CYYR1: variants seen among roughly 807,000 people sequenced by gnomAD.
The protein encoded by CYYR1 is cysteine and tyrosine-rich protein 1.
CYYR1 carries 14 observed loss-of-function variants against 15.2 expected under a neutral mutation model. That is an observed-to-expected ratio of 0.92 (90% CI 0.61 to 1.44). CYYR1 has a LOEUF of 1.44. CYYR1 is among the 40% of genes most tolerant of loss of function. The pLI is 0.00. For missense variants in CYYR1, 228 were observed against 209.5 expected (o/e 1.09, Z -0.54); for synonymous variants, 80 against 77.4 (o/e 1.03, Z -0.18).
intron 2 of CYYR1, among the ~76,000 whole-genome samples, chr21:26,528,503 G>A (rs1382446052): frequency 6.6e-6 from 1 of 152,098 alleles, no homozygotes; most frequent in Non-Finnish European, 1.5e-5. Flanking sequence ...CATATGATGT[G>A]CCTGCTCCTC....
intron 3 of CYYR1, among the ~76,000 whole-genome samples, chr21:26,472,676 A>T (rs1317031956): frequency 6.6e-6 from 1 of 152,108 alleles, no homozygotes; most frequent in African/African-American, 2.4e-5. Flanking sequence ...AGTAAGATAT[A>T]AAAAAGTGCA....
intron 2 of CYYR1, among the ~76,000 whole-genome samples, chr21:26,562,166 G>A (rs145093913): frequency 1.4e-4 from 22 of 152,230 alleles, no homozygotes; most frequent in African/African-American, 5.3e-4. Context: ...TAAATATTCT[G>A]AGGCTTCTAT....
intron 2 of CYYR1, among the ~76,000 whole-genome samples, chr21:26,556,102 T>C (rs998250552): frequency 3.9e-5 from 6 of 152,206 alleles, no homozygotes; most frequent in Non-Finnish European, 5.9e-5. Flanking sequence ...GATTAGAAAG[T>C]GACAATTGAT....
In CYYR1 at chr21:26,467,608, G is replaced by A. The variant is rs925753168; in HGVS notation, c.*893C>T. The A allele has an allele frequency of 6.6e-6, 1 of 151,982 alleles. No individual in the cohort carries two copies. The highest frequency in any genetic ancestry group is 2.4e-5 in the African/African-American group (1 of 41,384). The allele number at this position is 151,982 out of a possible 1,614,324, so 9.4% of individuals were successfully genotyped here. ...GGAAGTGAAGTGTCTGCTACCTGTG[G>A]AACTTGATACAATTTTTTTTTTCTC... On this transcript the variant is annotated 3_prime_UTR_variant, in exon 4 of 4. Coordinates refer to ENST00000652641, the MANE Select transcript of CYYR1 (RefSeq NM_001320768.2).
intron 2 of CYYR1, among the ~76,000 whole-genome samples, chr21:26,540,395 C>T (rs1216526180): frequency 6.6e-6 from 1 of 152,038 alleles, no homozygotes; most frequent in Non-Finnish European, 1.5e-5. Flanking sequence ...AACAGAAACC[C>T]TTGGGGTGTA....
chr21:26,478,240 A>T (rs1177553682), intron 3 of CYYR1: 4 of 1,428,110 alleles, frequency 2.8e-6, no homozygotes, highest in Admixed American at 4.3e-5. Context: ...GAGCAGCACA[A>T]AGAGAATTGG....
chr21:26,470,258 T>C (rs1413948999), intron 3 of CYYR1, among the ~76,000 whole-genome samples: 2 of 152,156 alleles, frequency 1.3e-5, no homozygotes, highest in Admixed American at 1.3e-4. Flanking sequence ...AAACGAACCT[T>C]AATTTGTACT....
chr21:26,515,003 G>T (rs1457195032), intron 2 of CYYR1, among the ~76,000 whole-genome samples: 2 of 152,184 alleles, frequency 1.3e-5, no homozygotes, highest in Non-Finnish European at 2.9e-5. Context: ...ATTCAATGTG[G>T]TATGCATGAT....
Position 26,572,950 on chromosome 21 carries a change from T to A in CYYR1, c.-10A>T, listed in dbSNP as rs1363678855. 6 of 1,613,610 alleles carry A rather than the reference T, an allele frequency of 3.7e-6. No homozygotes were observed. In the African/African-American group the frequency reaches 8.0e-5, roughly 22 times the overall value. On this transcript the variant is annotated 5_prime_UTR_variant, in exon 1 of 4. Coordinates refer to ENST00000652641, the MANE Select transcript of CYYR1 (RefSeq NM_001320768.2). ...GCCTCGGAGCGTCCATCCAAGCCGGTGGCCTGAGGCTTGGAGCGAAGGGAG... is the reference window on the plus strand; with the variant it reads ...GCCTCGGAGCGTCCATCCAAGCCGGAGGCCTGAGGCTTGGAGCGAAGGGAG...
At chr21:26,528,561 C>T (rs970054766) in intron 2 of CYYR1, among the ~76,000 whole-genome samples, 36 of 152,296 alleles carry the variant, frequency 2.4e-4, no homozygotes, top group African/African-American at 8.2e-4. Context: ...CTCGTCAGAA[C>T]CGGGTGCCAG....
intron 2 of CYYR1, among the ~76,000 whole-genome samples, chr21:26,539,753 C>G (rs1978414334): frequency 6.6e-6 from 1 of 152,262 alleles, no homozygotes; most frequent in South Asian, 2.1e-4. Context: ...TGTCTGGTAT[C>G]TTCTTTTTGA....
At chr21:26,534,110 A>G (rs1309024627) in intron 2 of CYYR1, among the ~76,000 whole-genome samples, 4 of 152,140 alleles carry the variant, frequency 2.6e-5, no homozygotes, top group African/African-American at 9.7e-5. Flanking sequence ...CCTCGCAAAA[A>G]TATTTGTCAA....
Position 26,480,369 on chromosome 21 carries a change from C to A in CYYR1, c.237G>T (p.Gly79=). 6.2e-7 allele frequency: 1 copy of A among 1,613,496 alleles called. No individual in the cohort carries two copies. The highest frequency in any genetic ancestry group is 8.5e-7 in the Non-Finnish European group (1 of 1,179,654). The part of the protein sequence containing the change: ...GIVFIMGVIA[G]IAICICMCMK... Reference sequence around the variant, plus strand: ...TGCACATGCAGATGCATATGGCAATCCCAGCAATGACCCCCATGATAAATA... The same window carrying A: ...TGCACATGCAGATGCATATGGCAATACCAGCAATGACCCCCATGATAAATA... Residue 79 remains glycine, a synonymous_variant, in exon 3 of 4, where the codon GGG becomes GGT. Transcript: ENST00000652641.
At position 26,564,593 on chromosome 21, in the gene CYYR1, C is replaced by T. The variant is rs1980477502; in HGVS notation, c.176+1673G>A. 1.7e-5 allele frequency: 13 copies of T among 762,600 alleles called. No individual in the cohort carries two copies. The South Asian group carries it at 3.0e-4, about 18-fold the overall frequency. 47.2% of individuals were successfully genotyped at this position (762,600 alleles called of 1,614,324 possible). A position where few individuals can be genotyped will look rare whatever the true frequency, so the allele number is the denominator to read the frequency against. On this transcript the variant is annotated intron_variant, in intron 2 of 3. Transcript: ENST00000652641. Reference sequence around the variant, plus strand: ...CTGCAAATGTAAATCATATCAAGTACATCTATAAATTCAAATATATAAAAA... The same window carrying T: ...CTGCAAATGTAAATCATATCAAGTATATCTATAAATTCAAATATATAAAAA...
At chr21:26,475,437 G>T (rs781709972) in intron 3 of CYYR1, among the ~76,000 whole-genome samples, 2 of 152,040 alleles carry the variant, frequency 1.3e-5, no homozygotes, top group Admixed American at 6.6e-5. Flanking sequence ...CCCATCAAAG[G>T]CTAGCCCCTA....
intron 2 of CYYR1, among the ~76,000 whole-genome samples, chr21:26,523,461 T>G (rs952658938): frequency 3.3e-5 from 5 of 152,172 alleles, no homozygotes; most frequent in African/African-American, 1.2e-4. Flanking sequence ...TATTTAAAAC[T>G]CCCATGGCTT....
At chr21:26,514,583 C>T (rs376465810) in intron 2 of CYYR1, among the ~76,000 whole-genome samples, 16 of 152,170 alleles carry the variant, frequency 1.1e-4, no homozygotes, top group African/African-American at 3.4e-4. Context: ...ATAAATTACT[C>T]GGCCTCAGCT....
At chr21:26,534,941 A>G (rs2065976568) in intron 2 of CYYR1, among the ~76,000 whole-genome samples, 2 of 152,210 alleles carry the variant, frequency 1.3e-5, no homozygotes, top group Admixed American at 1.3e-4. Context: ...AAGTAAATAT[A>G]ACTATTCCCA....
intron 2 of CYYR1, chr21:26,564,858 A>G: frequency 2.6e-6 from 3 of 1,157,930 alleles, no homozygotes; most frequent in Non-Finnish European, 3.3e-6. Context: ...GAAAAAAAAA[A>G]TTTAAATTTA....
Sources: allele counts gnomAD v4.1 joint callset (sites outside exome capture counted in the v4.1 genomes callset), GRCh38; gene constraint gnomAD v4.1.1; transcripts MANE v1.5; gene names NCBI Gene and HGNC (gene_info 2026-07-23, HGNC 2026-07-21).